Variants in MYT1L observed in about 807,000 individuals in gnomAD.
MYT1L encodes the protein myelin transcription factor 1 like.
Under a neutral mutation model 126.7 loss-of-function variants are expected in MYT1L, and 12 were observed. The ratio of observed to expected loss-of-function variants is 0.09; its 90% confidence interval spans 0.06 to 0.15. The LOEUF (loss-of-function observed/expected upper bound fraction) is 0.15, where lower values mean the gene tolerates loss of function less well. Ranked by LOEUF, MYT1L falls within the 10% of genes least tolerant of loss-of-function variation. MYT1L has a pLI of 1.00. For synonymous variants in MYT1L, 541 were observed against 604.2 expected (o/e 0.90, Z 1.53); for missense variants, 979 against 1,585.2 (o/e 0.62, Z 6.49).
rs71276816 is a variant in MYT1L at position 1,934,307 on chromosome 2, T to TATATATATATATACAC, written c.505+8674_505+8675insGTGTATATATATATAT. Among the ~76,000 whole-genome samples, 112 of 132,106 alleles carry TATATATATATATACAC rather than the reference T, an allele frequency of 8.5e-4. 1 individual carries two copies. Among genetic ancestry groups the TATATATATATATACAC allele is most frequent in the Middle Eastern group, 3.7e-3 (1 of 272 alleles). The allele number at this position is 132,106 out of a possible 152,430, so 86.7% of individuals were successfully genotyped here. ...TTTTTATAACATATATATATATATA[T>TATATATATATATACAC]ACAACCTCATATATGTAATTTATAG... On this transcript the variant is annotated intron_variant, in intron 9 of 24. Transcript: ENST00000647738.
At chr2:1,817,337 G>A (rs962522994) in intron 21 of MYT1L, among the ~76,000 whole-genome samples, 3 of 152,152 alleles carry the variant, frequency 2.0e-5, no homozygotes, top group Non-Finnish European at 4.4e-5. Context: ...GGCGCCACAC[G>A]GCCGGAAACT....
intron 21 of MYT1L, chr2:1,816,282 C>G (rs547806752): frequency 1.3e-5 from 2 of 152,832 alleles, no homozygotes; most frequent in East Asian, 1.9e-4. Context: ...TCATTCTGAG[C>G]TACGCTGTAT....
intron 3 of MYT1L, among the ~76,000 whole-genome samples, chr2:2,093,934 T>C (rs1484789431): frequency 1.3e-5 from 2 of 152,230 alleles, no homozygotes; most frequent in African/African-American, 4.8e-5. Flanking sequence ...CCAGCACCAT[T>C]TGTTAAATAG....
intron 21 of MYT1L, among the ~76,000 whole-genome samples, chr2:1,831,801 G>T (rs2040227351): frequency 6.6e-6 from 1 of 152,092 alleles, no homozygotes; most frequent in Non-Finnish European, 1.5e-5. Flanking sequence ...GCCTCCACCT[G>T]TCACAAAACG....
At position 2,259,417 on chromosome 2, in the gene MYT1L, A is replaced by T. The variant is rs1485458938; in HGVS notation, c.-421+24987T>A. On this transcript the variant is annotated intron_variant, in intron 2 of 24. Coordinates refer to ENST00000647738, the MANE Select transcript of MYT1L (RefSeq NM_001303052.2). ...AATAAAAAAAAAAACATTAAAAAAA[A>T]AAATGGAACTATGTGAGGTGATAGA... Among the ~76,000 whole-genome samples the T allele has an allele frequency of 2.6e-5, 4 of 151,992 alleles. No individual in the cohort carries two copies. In the East Asian group the frequency reaches 7.8e-4, roughly 29 times the overall value.
At chr2:2,015,636 C>G (rs1302128191) in intron 4 of MYT1L, among the ~76,000 whole-genome samples, 1 of 152,132 alleles carries the variant, frequency 6.6e-6, no homozygotes, top group Admixed American at 6.5e-5. Flanking sequence ...GGCTTTGCAG[C>G]TGTTTTAGAG....
chr2:2,320,527 G>A (rs930670194), intron 1 of MYT1L, among the ~76,000 whole-genome samples: 1 of 151,522 alleles, frequency 6.6e-6, no homozygotes, highest in Non-Finnish European at 1.5e-5. Flanking sequence ...ATTTCCCTTG[G>A]AGGGTGGGGG....
chr2:2,276,963 TC>T (rs2095369589), intron 2 of MYT1L, among the ~76,000 whole-genome samples: 1 of 139,052 alleles, frequency 7.2e-6, no homozygotes, highest in Non-Finnish European at 1.5e-5. Context: ...CCTGCTAACT[TC>T]CGATTGATTC....
intron 2 of MYT1L, among the ~76,000 whole-genome samples, chr2:2,194,328 A>G (rs1284197466): frequency 1.3e-5 from 2 of 152,122 alleles, no homozygotes; most frequent in African/African-American, 4.8e-5. Flanking sequence ...AACCTCCCAA[A>G]ATGCTGGGAT....
intron 21 of MYT1L, among the ~76,000 whole-genome samples, chr2:1,835,347 GTTGAATATCTCATGTAATTTA>G (rs2040741657): frequency 6.6e-6 from 1 of 152,272 alleles, no homozygotes; most frequent in South Asian, 2.1e-4. Flanking sequence ...ACACAAAAGT[GTTGAATATCTCATGTAATTTA>G]TTGAATACTC....
chr2:2,253,060 G>A (rs566447378), intron 2 of MYT1L, among the ~76,000 whole-genome samples: 1 of 151,916 alleles, frequency 6.6e-6, no homozygotes, highest in African/African-American at 2.4e-5. Flanking sequence ...CAAAATTTTA[G>A]AGTCAATCAA....
chr2:2,145,696 GAA>G (rs1253433515), intron 3 of MYT1L, among the ~76,000 whole-genome samples: 1 of 151,510 alleles, frequency 6.6e-6, no homozygotes, highest in Non-Finnish European at 1.5e-5. Context: ...CACACTGCCA[GAA>G]AAAGATACCT....
chr2:2,149,003 T>A (rs1013975181), intron 3 of MYT1L, among the ~76,000 whole-genome samples: 1 of 152,176 alleles, frequency 6.6e-6, no homozygotes, highest in Non-Finnish European at 1.5e-5. Context: ...TTCCATGATA[T>A]GTTCTGGAGG....
At chr2:1,898,089 C>T (rs1427657725) in intron 14 of MYT1L, among the ~76,000 whole-genome samples, 1 of 152,218 alleles carries the variant, frequency 6.6e-6, no homozygotes, top group Non-Finnish European at 1.5e-5. Flanking sequence ...TTCACCTACT[C>T]TGCTTGTGAA....
At position 2,117,323 on chromosome 2, in the gene MYT1L, G is replaced by GA. The variant is rs201339410; in HGVS notation, c.-304+55548dup. The stretch of plus-strand genomic sequence containing the variant: ...AAGGATTTGTGAAAAATAAACCAGA[G>GA]AAAATGTGTTGCAGTAGAGAAGGAA... On this transcript the variant is annotated intron_variant, in intron 3 of 24. Transcript: ENST00000647738. 9.1e-3 allele frequency among the ~76,000 whole-genome samples: 1,384 copies of GA among 152,314 alleles called. 10 individuals are homozygous for GA. The highest frequency in any genetic ancestry group is 0.012 in the Non-Finnish European group (842 of 68,032).
chr2:2,021,979 C>T (rs1224747642), intron 4 of MYT1L, among the ~76,000 whole-genome samples: 1 of 152,180 alleles, frequency 6.6e-6, no homozygotes, highest in Non-Finnish European at 1.5e-5. Context: ...GTCACTGACA[C>T]AAGTGGCAGT....
At chr2:2,141,788 A>G (rs1386355748) in intron 3 of MYT1L, among the ~76,000 whole-genome samples, 1 of 152,196 alleles carries the variant, frequency 6.6e-6, no homozygotes, top group Non-Finnish European at 1.5e-5. Context: ...AACGAAGAAC[A>G]AGACTCAGCC....
chr2:2,146,406 G>A (rs375459781), intron 3 of MYT1L, among the ~76,000 whole-genome samples: 8 of 152,280 alleles, frequency 5.3e-5, no homozygotes, highest in South Asian at 2.1e-4. Context: ...CACCTGGGAC[G>A]ATAGAAGTGA....
chr2:1,843,022 A>C (rs750285328), intron 19 of MYT1L: 1 of 153,086 alleles, frequency 6.5e-6, no homozygotes, highest in African/African-American at 2.4e-5. Context: ...CTTTAGCATC[A>C]TCCGAGGCTC....
Sources: allele counts gnomAD v4.1 joint callset (sites outside exome capture counted in the v4.1 genomes callset), GRCh38; gene constraint gnomAD v4.1.1; transcripts MANE v1.5; gene names NCBI Gene and HGNC (gene_info 2026-07-23, HGNC 2026-07-21).